Variants in UROS observed in about 807,000 individuals in gnomAD.
UROS encodes uroporphyrinogen III synthase.
Under a neutral mutation model 33.0 loss-of-function variants are expected in UROS, and 18 were observed. The ratio of observed to expected loss-of-function variants is 0.55; its 90% CI spans 0.38 to 0.81. The LOEUF (loss-of-function observed/expected upper bound fraction) is 0.81. UROS is among the 30% of genes least tolerant of loss of function. The probability of loss-of-function intolerance (pLI) is 0.00; values close to 1 mark genes in which losing one functional copy is unlikely to be tolerated. For synonymous variants in UROS, 114 were observed against 121.1 expected (o/e 0.94, Z 0.38); for missense variants, 293 against 314.9 (o/e 0.93, Z 0.53).
At chr10:125,809,974 C>T (rs1331374613) in intron 5 of UROS, among the ~76,000 whole-genome samples, 7 of 152,304 alleles carry the variant, frequency 4.6e-5, no homozygotes, top group Non-Finnish European at 4.4e-5. Context: ...ACTTCCACAC[C>T]GAAATCCCTT....
At chr10:125,820,200 G>C (rs1346017075) in intron 1 of UROS, among the ~76,000 whole-genome samples, 2 of 152,176 alleles carry the variant, frequency 1.3e-5, no homozygotes, top group African/African-American at 2.4e-5. Flanking sequence ...TAAGGTATTA[G>C]CTCATGCAGT....
At position 125,796,318 on chromosome 10, in the gene UROS, T is replaced by G. The variant is rs1350980528; in HGVS notation, c.476-130A>C. On this transcript the variant is annotated intron_variant, in intron 7 of 9. Transcript: ENST00000368797. The stretch of plus-strand genomic sequence containing the variant: ...CTCCTGGAACGAGCTGCTTGGAAGC[T>G]GAGAGGCCAGACTCAGCAGAGAGGC... 9.7e-6 allele frequency: 9 copies of G among 924,970 alleles called. No individual in the cohort carries two copies. In the African/African-American group the frequency reaches 1.1e-4, roughly 12 times the overall value. 57.3% of individuals were successfully genotyped at this position (924,970 alleles called of 1,614,324 possible). A position where few individuals can be genotyped will look rare whatever the true frequency, so the allele number is the denominator to read the frequency against.
Position 125,798,078 on chromosome 10 carries a change from C to A in UROS, c.462G>T (p.Ala154=). Residue 154 remains alanine (A), a synonymous_variant, in exon 7 of 10, where the codon GCG becomes GCT. Coordinates refer to ENST00000368797, the MANE Select transcript of UROS (RefSeq NM_000375.3). ...CATTCTACTCGCCTTTGTCCTTGAGCGCTTTTGGCAGGATTTCTCTTTTGA... is the reference window on the plus strand; with the variant it reads ...CATTCTACTCGCCTTTGTCCTTGAGAGCTTTTGGCAGGATTTCTCTTTTGA... ...GNLKREILPK[A]LKDKGIAMES... The A allele has an allele frequency of 1.2e-6, 2 of 1,614,000 alleles. No individual in the cohort carries two copies. The highest frequency in any genetic ancestry group is 1.7e-6 in the Non-Finnish European group (2 of 1,179,866).
chr10:125,795,390 C>T (rs914989995), intron 8 of UROS, among the ~76,000 whole-genome samples: 1 of 152,204 alleles, frequency 6.6e-6, no homozygotes, highest in Admixed American at 6.5e-5. Context: ...GCCTGCCTGG[C>T]CTTTTTGCAT....
At chr10:125,798,207 G>A in intron 6 of UROS, 62 bp from the exon 7 acceptor site, 1 of 1,565,116 alleles carries the variant, frequency 6.4e-7, no homozygotes. Context: ...CAGGGGAATG[G>A]GGAGGGGCAG....
intron 6 of UROS, chr10:125,802,871 G>A (rs1328952378): frequency 2.1e-5 from 32 of 1,552,578 alleles, no homozygotes; most frequent in Non-Finnish European, 2.7e-5. Flanking sequence ...CCTTTCCCTT[G>A]GGGCTCAGGC....
rs189487958 is a variant in UROS at position 125,798,241 on chromosome 10, T to A, written c.395-96A>T. ...AGCTTTGGGAAGGGGGAAGCAGCCC[T>A]GGGCTCCAGGCCTGGCTCTGCTTCT... On this transcript the variant is annotated intron_variant, in intron 6 of 9. Coordinates refer to ENST00000368797, the MANE Select transcript of UROS (RefSeq NM_000375.3). 248 of 1,275,788 alleles carry A rather than the reference T, an allele frequency of 1.9e-4. No homozygotes were observed. The African/African-American group carries it at 3.4e-3, about 17-fold the overall frequency. 79.0% of individuals were successfully genotyped at this position (1,275,788 alleles called of 1,614,324 possible).
chr10:125,818,419 G>A (rs1260703676), intron 1 of UROS, among the ~76,000 whole-genome samples: 1 of 152,088 alleles, frequency 6.6e-6, no homozygotes, highest in Non-Finnish European at 1.5e-5. Flanking sequence ...CTTGAGCCCA[G>A]GAGTTCAAGG....
chr10:125,798,817 C>G (rs1273026175), intron 6 of UROS, among the ~76,000 whole-genome samples: 1 of 152,214 alleles, frequency 6.6e-6, no homozygotes, highest in Non-Finnish European at 1.5e-5. Flanking sequence ...ATTTTCAGCC[C>G]TTAACTCTTT....
In UROS at chr10:125,816,504, G is replaced by T. The variant is rs376879819; in HGVS notation, c.-5C>A. ...CTTCAGTAAAAGAACCTTCATTATT[G>T]CCTGGCAGTCCTTATAGGGCACTGC... On this transcript the variant is annotated 5_prime_UTR_variant, in exon 2 of 10. Transcript: ENST00000368797. The T allele has an allele frequency of 1.9e-6, 3 of 1,613,986 alleles. No homozygotes were observed. The African/African-American group carries it at 4.0e-5, about 22-fold the overall frequency.
At chr10:125,796,642 C>T (rs1051380158) in intron 7 of UROS, 10 of 448,070 alleles carry the variant, frequency 2.2e-5, no homozygotes, top group Non-Finnish European at 2.9e-5. Flanking sequence ...CCACGCGTCC[C>T]CTCTCTGGGC....
chr10:125,795,047 C>T, intron 8 of UROS, 69 bp from the exon 9 acceptor site: 2 of 1,467,442 alleles, frequency 1.4e-6, no homozygotes, highest in Non-Finnish European at 1.9e-6. Context: ...CCTCCGGCTT[C>T]ATCCGCATCA....
At position 125,788,740 on chromosome 10, in the gene UROS, T is replaced by G; in HGVS notation, c.*128A>C. On this transcript the variant is annotated 3_prime_UTR_variant, in exon 10 of 10. Transcript: ENST00000368797. ...CAGGTCCCGATCCCCGGTCCTCAGG[T>G]GCTTCCACTCAGGCTTGAGGCAGGA... The G allele has an allele frequency of 6.9e-7, 1 of 1,450,384 alleles. No individual in the cohort carries two copies. Among genetic ancestry groups the G allele is most frequent in the Non-Finnish European group, 9.1e-7 (1 of 1,104,782 alleles). 89.8% of individuals were successfully genotyped at this position (1,450,384 alleles called of 1,614,324 possible).
intron 6 of UROS, among the ~76,000 whole-genome samples, chr10:125,803,736 C>T (rs1393318385): frequency 6.6e-6 from 1 of 152,222 alleles, no homozygotes; most frequent in Non-Finnish European, 1.5e-5. Flanking sequence ...CCGGTCAACT[C>T]TCAGAGGCTA....
At position 125,816,446 on chromosome 10, in the gene UROS, C is replaced by T. The variant is rs756328467; in HGVS notation, c.54G>A (p.Pro18=). 4.2e-5 allele frequency: 67 copies of T among 1,614,068 alleles called. No homozygotes were observed. In the Middle Eastern group the frequency reaches 9.9e-4, roughly 24 times the overall value. ...GTCTCAGGCCACTTACCCTGATATA[C>T]GGATCCTGGCCACAGTCATCTTCCT... ...DAKEDDCGQD[P]YIRELGLYGL... is the part of the protein sequence containing the mutation. The change falls in exon 2 of 10, where the codon CCG becomes CCA. Residue 18 remains proline (P), a synonymous_variant. Coordinates refer to ENST00000368797, the MANE Select transcript of UROS (RefSeq NM_000375.3).
At chr10:125,816,637 C>T in intron 1 of UROS, 112 bp from the exon 2 acceptor site, 1 of 990,384 alleles carries the variant, frequency 1.0e-6, no homozygotes, top group Non-Finnish European at 1.6e-6. Context: ...GTGGAAGAGA[C>T]CTATCCCTCC....
chr10:125,816,345 T>G (rs1853317600), intron 2 of UROS, 85 bp from the exon 3 acceptor site: 3 of 1,602,222 alleles, frequency 1.9e-6, no homozygotes, highest in Non-Finnish European at 2.6e-6. Context: ...CGTCAGTTCC[T>G]CTGAGGTTTT....
At chr10:125,789,119 C>T (rs902389934) in intron 9 of UROS, 114 bp from the exon 10 acceptor site, 100 of 1,453,614 alleles carry the variant, frequency 6.9e-5, no homozygotes, top group Non-Finnish European at 9.1e-5. Flanking sequence ...CGTTACTGCT[C>T]ATGTGACGTG....
intron 6 of UROS, among the ~76,000 whole-genome samples, chr10:125,804,381 C>G (rs1298827955): frequency 6.6e-6 from 1 of 152,186 alleles, no homozygotes; most frequent in Non-Finnish European, 1.5e-5. Context: ...TACTCAGGAC[C>G]CTTCCAGACC....
Sources: allele counts gnomAD v4.1 joint callset (sites outside exome capture counted in the v4.1 genomes callset), GRCh38; gene constraint gnomAD v4.1.1; transcripts MANE v1.5; gene names NCBI Gene and HGNC (gene_info 2026-07-23, HGNC 2026-07-21).